ZNF236: variants seen among roughly 807,000 people sequenced by gnomAD.
ZNF236 encodes regulated by glucose.
In ZNF236, 50 loss-of-function variants were observed where a neutral mutation model predicts 191.2. The observed-to-expected ratio is 0.26, with a 90% CI of 0.21 to 0.33. The LOEUF is 0.33. Ranked by LOEUF, ZNF236 falls within the 10% of genes least tolerant of loss-of-function variation. ZNF236 has a pLI of 1.00. For missense variants in ZNF236, 1,754 were observed against 2,374.5 expected, an observed-to-expected ratio of 0.74 and a Z score of 5.43; for synonymous variants, 907 against 928.8, an observed-to-expected ratio of 0.98 and a Z score of 0.43.
rs757459032 is a variant in ZNF236, at chr18:76,849,548, G to A, written c.78G>A (p.Ala26=). 11 of 1,610,188 alleles carry A rather than the reference G, an allele frequency of 6.8e-6. No individual in the cohort carries two copies. The highest frequency in any genetic ancestry group is 5.9e-6 in the Non-Finnish European group (7 of 1,178,722). The change falls in exon 2 of 31, where the codon GCG becomes GCA. Residue 26 remains alanine, a synonymous_variant. Coordinates refer to ENST00000320610, the MANE Select transcript of ZNF236 (RefSeq NM_001306089.2). The part of the protein sequence containing the change: ...GDSDGVLTLN[A]ENTNYAYQVP... ...TAGATGGAGTTTTAACATTGAATGC[G>A]GAGAACACTAATTATGCCTATCAAG...
At position 76,925,190 on chromosome 18, in the gene ZNF236, T is replaced by C; in HGVS notation, c.3663T>C (p.Gly1221=). 6.2e-7 allele frequency: 1 copy of C among 1,612,204 alleles called. No homozygotes were observed. The highest frequency in any genetic ancestry group is 8.5e-7 in the Non-Finnish European group (1 of 1,178,948). ...GATTCTTGGCTGGGCTTTTCACAGG[T>C]CAGAAGCTCTTCAGCTGTCACGTCT... is the stretch of plus-strand genomic sequence containing the variant. ...TLDCHVKTHT[G]QKLFSCHVCS... Residue 1221 remains glycine (G), a splice_region_variant and synonymous_variant, in exon 22 of 31, where the codon GGT becomes GGC. Coordinates refer to ENST00000320610, the MANE Select transcript of ZNF236 (RefSeq NM_001306089.2). The surrounding 1 kb of genome is among the most constrained non-coding windows in gnomAD (Gnocchi z 5.7).
At chr18:76,825,898 A>G (rs1975001651) in intron 1 of ZNF236, among the ~76,000 whole-genome samples, 1 of 152,176 alleles carries the variant, frequency 6.6e-6, no homozygotes, top group Non-Finnish European at 1.5e-5. Flanking sequence ...GGCATGAGCC[A>G]CTGCTTCCAG....
intron 5 of ZNF236, among the ~76,000 whole-genome samples, chr18:76,873,645 T>C (rs761175286): frequency 3.3e-5 from 5 of 152,210 alleles, no homozygotes; most frequent in African/African-American, 2.4e-5. Flanking sequence ...AGAATCCTGC[T>C]GGACCATGCC....
At chr18:76,867,656 A>G (rs1435991993) in intron 3 of ZNF236, among the ~76,000 whole-genome samples, 1 of 152,210 alleles carries the variant, frequency 6.6e-6, no homozygotes, top group Non-Finnish European at 1.5e-5. Flanking sequence ...TGTGTGATGG[A>G]ACTCCAAATG....
At chr18:76,886,971 A>G (rs1267707417) in intron 9 of ZNF236, 3 of 189,306 alleles carry the variant, frequency 1.6e-5, no homozygotes, top group Non-Finnish European at 3.4e-5. Context: ...CCAGCTAACT[A>G]TCAGTGACTG....
chr18:76,871,813 A>C lies in ZNF236; in HGVS notation c.655A>C (p.Arg219=). 1.9e-6 allele frequency: 3 copies of C among 1,614,220 alleles called. No individual in the cohort carries two copies. The part of the protein sequence containing the change: ...QKPSQLTRHI[R]IHTGERPFKC... Reference sequence around the variant, plus strand: ...GCCAAGCCAGTTAACGCGACACATTAGGATACACACAGGTATGAAAACACT... The same window carrying C: ...GCCAAGCCAGTTAACGCGACACATTCGGATACACACAGGTATGAAAACACT... The change falls in exon 5 of 31, where the codon AGG becomes CGG. Residue 219 remains arginine, a synonymous_variant. Coordinates refer to ENST00000320610, the MANE Select transcript of ZNF236 (RefSeq NM_001306089.2).
At chr18:76,858,387 T>C (rs1976112349) in intron 3 of ZNF236, among the ~76,000 whole-genome samples, 1 of 152,234 alleles carries the variant, frequency 6.6e-6, no homozygotes, top group Non-Finnish European at 1.5e-5. Context: ...TTGAACAATT[T>C]TCAAGTAATC....
At chr18:76,945,775 CTT>C (rs1465146239) in intron 26 of ZNF236, among the ~76,000 whole-genome samples, 2 of 152,162 alleles carry the variant, frequency 1.3e-5, no homozygotes, top group African/African-American at 4.8e-5. Context: ...CAGCGCAAGA[CTT>C]TATCTCCAAA....
At position 76,925,713 on chromosome 18, in the gene ZNF236, C is replaced by T. The variant is rs931375097; in HGVS notation, c.4027+159C>T. Among the ~76,000 whole-genome samples the T allele has an allele frequency of 6.6e-6, 1 of 152,232 alleles. No individual in the cohort carries two copies. Among genetic ancestry groups the T allele is most frequent in the African/African-American group, 2.4e-5 (1 of 41,456 alleles). ...AAGGCATTCGGAAAAATTGGAATTC[C>T]GTCTTGCAGACATTGCTCCTTTCCA... On this transcript the variant is annotated intron_variant, in intron 22 of 30. Coordinates refer to ENST00000320610, the MANE Select transcript of ZNF236 (RefSeq NM_001306089.2). This position sits in a 1 kb window ranked among gnomAD's most constrained non-coding sequence, Gnocchi z 5.7.
intron 3 of ZNF236, among the ~76,000 whole-genome samples, chr18:76,857,356 C>T (rs541517983): frequency 2.0e-5 from 3 of 152,296 alleles, no homozygotes; most frequent in East Asian, 3.9e-4. Context: ...GCCAGCCCCC[C>T]GACCCTACTT....
rs1295536454 is a variant in ZNF236, at chr18:76,959,792, G to A, written c.5218G>A (p.Glu1740Lys). The change falls in exon 29 of 31, where the codon GAG (glutamate) becomes AAG (lysine). Residue 1740 changes from glutamate to lysine, a missense_variant. Glu to Lys is a moderately conservative substitution (Grantham distance 56). Transcript: ENST00000320610. ...EKAFAKPSQL[E>K]RHSRIHTGER... Reference sequence around the variant, plus strand: ...GGCATTTGCCAAACCAAGCCAGCTGGAGCGCCACAGCCGCATACATACAGG... The same window carrying A: ...GGCATTTGCCAAACCAAGCCAGCTGAAGCGCCACAGCCGCATACATACAGG... The A allele has an allele frequency of 6.2e-7, 1 of 1,614,120 alleles. No individual in the cohort carries two copies.
intron 1 of ZNF236, among the ~76,000 whole-genome samples, chr18:76,823,435 G>C (rs914516791): frequency 1.3e-5 from 2 of 151,954 alleles, no homozygotes; most frequent in African/African-American, 4.8e-5. Flanking sequence ...CGTGCAAACA[G>C]TAGGCACCAT....
chr18:76,943,724 G>GT (rs1331092339), intron 26 of ZNF236, among the ~76,000 whole-genome samples: 1 of 152,218 alleles, frequency 6.6e-6, no homozygotes, highest in African/African-American at 2.4e-5. Flanking sequence ...CAAGTTAGTT[G>GT]TAAGTTTAAC....
At chr18:76,926,499 A>T (rs977174660) in intron 22 of ZNF236, among the ~76,000 whole-genome samples, 12 of 151,442 alleles carry the variant, frequency 7.9e-5, no homozygotes, top group African/African-American at 2.9e-4. Flanking sequence ...TAGACAGTAT[A>T]TGTGCGTATA....
At chr18:76,956,214 G>C in intron 28 of ZNF236, 32 bp downstream of exon 28, 1 of 1,539,560 alleles carries the variant, frequency 6.5e-7, no homozygotes, top group Non-Finnish European at 8.7e-7. Flanking sequence ...ACAGCTGTGT[G>C]CCCCCCAGGC....
chr18:76,854,583 A>AC (rs1302379117), intron 3 of ZNF236, among the ~76,000 whole-genome samples: 2 of 77,596 alleles, frequency 2.6e-5, no homozygotes, highest in African/African-American at 1.4e-4. Flanking sequence ...GACTGTCACT[A>AC]CAAAAAAAAA....
At chr18:76,826,402 G>A (rs1362689664) in intron 1 of ZNF236, among the ~76,000 whole-genome samples, 3 of 151,176 alleles carry the variant, frequency 2.0e-5, no homozygotes, top group African/African-American at 7.3e-5. Flanking sequence ...GGGATTATAG[G>A]CGTGAGCTAC....
chr18:76,931,826 T>G (rs28653144), intron 25 of ZNF236, among the ~76,000 whole-genome samples: 4,749 of 152,326 alleles, frequency 0.031, 243 homozygotes, highest in African/African-American at 0.11. Context: ...TCTCTTCACC[T>G]TGTAGAGATT....
At chr18:76,870,946 G>A (rs566473092) in intron 4 of ZNF236, among the ~76,000 whole-genome samples, 2 of 152,336 alleles carry the variant, frequency 1.3e-5, no homozygotes, top group East Asian at 1.9e-4. Flanking sequence ...TGGGCCTGGT[G>A]TGTGGGCAGG....
Sources: gnomAD v4.1 joint callset for allele counts (sites outside exome capture counted in the v4.1 genomes callset) on GRCh38, gnomAD v4.1.1 for gene constraint, Gnocchi (gnomAD v3.1) non-coding constraint, MANE v1.5 for transcripts, NCBI Gene and HGNC (gene_info 2026-07-23, HGNC 2026-07-21) for gene names.